Variants in GBF1 observed in about 807,000 individuals in gnomAD.
GBF1 encodes the protein golgi brefeldin A resistant guanine nucleotide exchange factor 1.
In GBF1, 114 loss-of-function variants were observed where a neutral mutation model predicts 210.5. The ratio of observed to expected loss-of-function variants is 0.54; its 90% CI spans 0.47 to 0.63. GBF1 has a LOEUF of 0.63. Ranked by LOEUF, GBF1 falls within the 30% of genes least tolerant of loss-of-function variation. The pLI is 0.00. For missense variants in GBF1, 1,851 were observed against 2,357.7 expected, an observed-to-expected ratio of 0.79 and a Z score of 4.45; for synonymous variants, 850 against 889.2, an observed-to-expected ratio of 0.96 and a Z score of 0.78.
At chr10:102,231,800 AG>A in the GBF1 span, 1 of 1,596,248 alleles carries the variant, frequency 6.3e-7, no homozygotes, top group Non-Finnish European at 8.5e-7. Context: ...TCTGGGGGCC[AG>A]GGTGGGGGCA....
At chr10:102,334,929 A>G (rs2057623201) in intron 3 of GBF1, among the ~76,000 whole-genome samples, 3 of 152,032 alleles carry the variant, frequency 2.0e-5, no homozygotes, top group Middle Eastern at 3.2e-3. Flanking sequence ...GGTGTGGGAC[A>G]TCTGCAGATT....
In GBF1 at chr10:102,370,871, T is replaced by G. The variant is rs1244746996; in HGVS notation, c.3660+11T>G. ...GAGATCAGTGCTCAGGTAAGCAGAA[T>G]GCATCTTGGAGAGTGGGCAGGTATG... is the stretch of plus-strand genomic sequence containing the variant. On this transcript the variant is annotated intron_variant, in intron 29 of 39. Transcript: ENST00000369983. 1 of 1,613,628 alleles carries G rather than the reference T, an allele frequency of 6.2e-7. No homozygotes were observed. The highest frequency in any genetic ancestry group is 8.5e-7 in the Non-Finnish European group (1 of 1,179,582).
chr10:102,274,356 C>G (rs1485113076), intron 3 of GBF1, among the ~76,000 whole-genome samples: 2 of 152,094 alleles, frequency 1.3e-5, no homozygotes, highest in Non-Finnish European at 2.9e-5. Context: ...GCCCTGCCTG[C>G]TTGGCAGTGA....
At position 102,363,625 on chromosome 10, in the gene GBF1, G is replaced by A; in HGVS notation, c.2018-85G>A. Reference sequence around the variant, plus strand: ...TCTGAGGCTCCTTCTTGAAACTGGGGAGTATATTGGTGACCTTCCAAAAGT... The same window carrying A: ...TCTGAGGCTCCTTCTTGAAACTGGGAAGTATATTGGTGACCTTCCAAAAGT... On this transcript the variant is annotated intron_variant, in intron 16 of 39. Transcript: ENST00000369983. The surrounding 1 kb of genome is among the most constrained non-coding windows in gnomAD (Gnocchi z 4.2). 2.2e-6 allele frequency: 2 copies of A among 898,512 alleles called. No individual in the cohort carries two copies. 55.7% of individuals were successfully genotyped at this position (898,512 alleles called of 1,614,324 possible).
At chr10:102,272,425 T>C (rs575030124) in intron 3 of GBF1, among the ~76,000 whole-genome samples, 1 of 152,332 alleles carries the variant, frequency 6.6e-6, no homozygotes, top group South Asian at 2.1e-4. Flanking sequence ...ATTTTAACAG[T>C]TTTGTTACTT....
In GBF1 at chr10:102,367,459, CTT is replaced by C; in HGVS notation, c.2560-18_2560-17del. 1.3e-6 allele frequency: 2 copies of C among 1,552,376 alleles called. No homozygotes were observed. The highest frequency in any genetic ancestry group is 1.8e-6 in the Non-Finnish European group (2 of 1,123,576). ...TCAGTGTTGACACAAGGGGAAAAAA[CTT>C]ACTGGCCTGTCTCTAGGAGTTTCGC... is the stretch of plus-strand genomic sequence containing the variant. On this transcript the variant is annotated splice_polypyrimidine_tract_variant and intron_variant, in intron 20 of 39. Coordinates refer to ENST00000369983, the MANE Select transcript of GBF1 (RefSeq NM_001377137.1).
chr10:102,240,156 G>A, the GBF1 span, among the ~76,000 whole-genome samples: 1 of 152,252 alleles, frequency 6.6e-6, no homozygotes, highest in African/African-American at 2.4e-5. Flanking sequence ...AGTCTGGGGG[G>A]TGTCTGGTTA....
chr10:102,364,217 C>CTTTT (rs1031275118), intron 17 of GBF1, among the ~76,000 whole-genome samples: 119 of 66,936 alleles, frequency 1.8e-3, no homozygotes, highest in Non-Finnish European at 2.1e-3. Flanking sequence ...CTTTGGATTT[C>CTTTT]TTTTTTTTTT....
chr10:102,358,532 A>G lies in GBF1; in HGVS notation c.814A>G (p.Thr272Ala). Residue 272 changes from threonine (T) to alanine (A), a missense_variant, in exon 10 of 40, where the codon ACT becomes GCT. Around this residue, in one of 3 missense-constraint regions of GBF1, gnomAD observed 804 missense variants for 958.6 expected, o/e 0.84. Transcript: ENST00000369983. ...TGGMPFIDVPTPISSASSEAA... is the reference protein window; with the variant it reads ...TGGMPFIDVPAPISSASSEAA... The stretch of plus-strand genomic sequence containing the variant: ...TGGCATGCCCTTCATTGATGTGCCC[A>G]CTCCCATCTCCTCTGCAAGTTCAGA... The G allele has an allele frequency of 6.2e-7, 1 of 1,613,316 alleles. No homozygotes were observed. Among genetic ancestry groups the G allele is most frequent in the Non-Finnish European group, 8.5e-7 (1 of 1,179,516 alleles).
At chr10:102,266,225 C>T (rs1465798504) in intron 3 of GBF1, among the ~76,000 whole-genome samples, 3 of 151,602 alleles carry the variant, frequency 2.0e-5, no homozygotes, top group Non-Finnish European at 4.4e-5. Context: ...GGTGACAGAG[C>T]GATACTCTGT....
At chr10:102,372,142 C>G (rs564374911) in intron 29 of GBF1, among the ~76,000 whole-genome samples, 1 of 150,300 alleles carries the variant, frequency 6.7e-6, no homozygotes. Flanking sequence ...ACCTGGGAGG[C>G]GGAGGTTGCA....
At chr10:102,380,002 T>A in intron 36 of GBF1, 48 bp downstream of exon 36, 1 of 1,307,612 alleles carries the variant, frequency 7.6e-7, no homozygotes, top group South Asian at 1.2e-5. Context: ...ACCTGCCTTT[T>A]CCCGAGGAGG....
chr10:102,377,005 A>G lies in GBF1; in HGVS notation c.4359A>G (p.Lys1453=), dbSNP rs1215079481. 3.7e-6 allele frequency: 6 copies of G among 1,614,192 alleles called. No individual in the cohort carries two copies. In the South Asian group the frequency reaches 6.6e-5, roughly 18 times the overall value. The change falls in exon 33 of 40, where the codon AAA becomes AAG. Residue 1453 remains lysine, a synonymous_variant. Transcript: ENST00000369983. ...GCAAAGGGAACCGCTTCAAGAAGAA[A>G]TCCAAAGAGGGATCAATGCTTCGCC... ...YDSKGNRFKK[K]SKEGSMLRRP...
chr10:102,312,770 A>G (rs2078586653), intron 3 of GBF1, among the ~76,000 whole-genome samples: 1 of 152,166 alleles, frequency 6.6e-6, no homozygotes, highest in South Asian at 2.1e-4. Flanking sequence ...TGCCTCGGGT[A>G]CCTGTAAAGT....
chr10:102,284,453 T>G (rs1348583623), intron 3 of GBF1, among the ~76,000 whole-genome samples: 1 of 152,170 alleles, frequency 6.6e-6, no homozygotes, highest in East Asian at 1.9e-4. Context: ...TAGCCATCCA[T>G]CTGCATTCTG....
intron 3 of GBF1, among the ~76,000 whole-genome samples, chr10:102,322,509 T>C (rs2056493888): frequency 6.6e-6 from 1 of 152,124 alleles, no homozygotes; most frequent in Non-Finnish European, 1.5e-5. Flanking sequence ...AAATTCCTTT[T>C]ATCTCACCTA....
the GBF1 span, among the ~76,000 whole-genome samples, chr10:102,239,426 A>AT: frequency 6.6e-6 from 1 of 152,126 alleles, no homozygotes; most frequent in South Asian, 2.1e-4. Flanking sequence ...AATTTCAGTG[A>AT]TTTTATGGGA....
chr10:102,355,794 G>A (rs2059258682), intron 8 of GBF1, among the ~76,000 whole-genome samples: 1 of 152,204 alleles, frequency 6.6e-6, no homozygotes, highest in South Asian at 2.1e-4. Flanking sequence ...GTACTTTTGG[G>A]AGCTCAATGA....
Position 102,382,404 on chromosome 10 carries a change from C to T in GBF1, c.*68C>T. The T allele has an allele frequency of 2.0e-5, 28 of 1,399,748 alleles. No individual in the cohort carries two copies. Among genetic ancestry groups the T allele is most frequent in the Non-Finnish European group, 2.7e-5 (28 of 1,025,992 alleles). The allele number at this position is 1,399,748 out of a possible 1,614,324, so 86.7% of individuals were successfully genotyped here. On this transcript the variant is annotated 3_prime_UTR_variant, in exon 40 of 40. Coordinates refer to ENST00000369983, the MANE Select transcript of GBF1 (RefSeq NM_001377137.1). ...TTTCCTTGACCCCACTTCTGGCTGT[C>T]CTGCGGGCCACAAGCTCTTCAGGCC...
Sources: allele counts gnomAD v4.1 joint callset (sites outside exome capture counted in the v4.1 genomes callset), GRCh38; gene constraint gnomAD v4.1.1; regional missense constraint gnomAD v4.1.1; non-coding constraint Gnocchi (gnomAD v3.1); transcripts MANE v1.5; gene names NCBI Gene and HGNC (gene_info 2026-07-23, HGNC 2026-07-21).